Variants in ATP10B observed in about 807,000 individuals in gnomAD.
The protein encoded by ATP10B is ATPase phospholipid transporting 10B (putative), also known as phospholipid-transporting ATPase VB.
In ATP10B, 122 loss-of-function variants were observed where a neutral mutation model predicts 141.2. The ratio of observed to expected loss-of-function variants is 0.86; its 90% CI spans 0.75 to 1.00. ATP10B has a LOEUF of 1.00. Among genes scored for constraint, ATP10B ranks in the 50% least tolerant of loss-of-function variants. The pLI, the probability that ATP10B is intolerant of heterozygous loss-of-function variation, is 0.00. For synonymous variants in ATP10B, 685 were observed against 692.0 expected (o/e 0.99, Z 0.16); for missense variants, 1,876 against 1,825.3 (o/e 1.03, Z -0.51).
In ATP10B at chr5:160,573,773, G is replaced by C. The variant is rs942808047; in HGVS notation, c.3751-4090C>G. Among the ~76,000 whole-genome samples, 45 of 152,220 alleles carry C rather than the reference G, an allele frequency of 3.0e-4. 1 individual carries two copies. The highest frequency in any genetic ancestry group is 9.9e-4 in the African/African-American group (41 of 41,530). ...GTGGTCCCTGGTGCCAAAAAGGTTGGGGACCACTGCTTTAAAATTTTATCT... is the reference window on the plus strand; with the variant it reads ...GTGGTCCCTGGTGCCAAAAAGGTTGCGGACCACTGCTTTAAAATTTTATCT... On this transcript the variant is annotated intron_variant, in intron 24 of 25. Transcript: ENST00000327245.
At chr5:160,767,081 C>T (rs918660044) in intron 2 of ATP10B, among the ~76,000 whole-genome samples, 2 of 151,986 alleles carry the variant, frequency 1.3e-5, no homozygotes, top group Non-Finnish European at 2.9e-5. Context: ...TTGGGCCACA[C>T]ACAAAATACT....
the ATP10B span, among the ~76,000 whole-genome samples, chr5:160,888,267 GAA>G: frequency 2.6e-5 from 4 of 152,196 alleles, no homozygotes; most frequent in Non-Finnish European, 5.9e-5. Context: ...TGAGCTTTGG[GAA>G]AAGAGTATCA....
Position 160,709,020 on chromosome 5 carries a change from C to A in ATP10B, c.-205+7889G>T, listed in dbSNP as rs373920346. Among the ~76,000 whole-genome samples the A allele has an allele frequency of 9.9e-5, 15 of 152,280 alleles. 1 individual carries two copies. Among genetic ancestry groups the A allele is most frequent in the African/African-American group, 3.4e-4 (14 of 41,556 alleles). ...ACAGATATGGCCTTGCAAATCAGTA[C>A]AGACAGACAGACCCCTTGGAAAATA... On this transcript the variant is annotated intron_variant, in intron 3 of 25. Coordinates refer to ENST00000327245, the MANE Select transcript of ATP10B (RefSeq NM_025153.3).
chr5:160,646,475 T>A (rs1291347769), intron 8 of ATP10B, among the ~76,000 whole-genome samples: 1 of 152,198 alleles, frequency 6.6e-6, no homozygotes, highest in Non-Finnish European at 1.5e-5. Flanking sequence ...TGATATAAAT[T>A]TTCCTTTTCA....
rs1036666108 is a variant in ATP10B at position 160,563,680 on chromosome 5, A to G, written c.*1773T>C. 5 of 152,126 alleles carry G rather than the reference A, an allele frequency of 3.3e-5. No individual in the cohort carries two copies. Among genetic ancestry groups the G allele is most frequent in the Non-Finnish European group, 5.9e-5 (4 of 68,022 alleles). The allele number at this position is 152,126 out of a possible 1,614,324, so 9.4% of individuals were successfully genotyped here. On this transcript the variant is annotated 3_prime_UTR_variant, in exon 26 of 26. Coordinates refer to ENST00000327245, the MANE Select transcript of ATP10B (RefSeq NM_025153.3). ...TTCTGCTTCAAGCCACCTGCATCCT[A>G]GAGAGCAAGGATTCAAACTCAGATC...
At chr5:160,843,682 G>C (rs1452290214) in intron 1 of ATP10B, among the ~76,000 whole-genome samples, 2 of 151,734 alleles carry the variant, frequency 1.3e-5, no homozygotes, top group African/African-American at 4.8e-5. Flanking sequence ...AAAAAGTTTT[G>C]ATCAAACATA....
At chr5:160,902,470 A>G in the ATP10B span, among the ~76,000 whole-genome samples, 2 of 150,736 alleles carry the variant, frequency 1.3e-5, no homozygotes, top group African/African-American at 4.9e-5. Context: ...GATTTTGGCA[A>G]ATGTATAGGT....
chr5:160,605,082 A>G (rs1757307607), intron 19 of ATP10B, among the ~76,000 whole-genome samples: 1 of 152,238 alleles, frequency 6.6e-6, no homozygotes, highest in African/African-American at 2.4e-5. Flanking sequence ...ATACAAAAAC[A>G]TGCCATGGGT....
chr5:160,788,624 T>C (rs1023340941), intron 1 of ATP10B, among the ~76,000 whole-genome samples: 1 of 152,150 alleles, frequency 6.6e-6, no homozygotes, highest in Non-Finnish European at 1.5e-5. Context: ...CTCTTCTCAA[T>C]AACTCCTTTC....
intron 2 of ATP10B, among the ~76,000 whole-genome samples, chr5:160,733,977 G>A (rs1041118752): frequency 6.6e-6 from 1 of 151,138 alleles, no homozygotes; most frequent in African/African-American, 2.4e-5. Flanking sequence ...CACCGGTGGT[G>A]CATGCCTGTA....
At chr5:160,759,325 G>A (rs12658116) in intron 2 of ATP10B, among the ~76,000 whole-genome samples, 47,923 of 152,004 alleles carry the variant, frequency 0.32, 7,908 homozygotes, top group Non-Finnish European at 0.36. Context: ...CTGGAATGAC[G>A]ATTGACATTT....
chr5:160,925,977 G>C, the ATP10B span, among the ~76,000 whole-genome samples: 20,575 of 152,194 alleles, frequency 0.14, 1,687 homozygotes, highest in East Asian at 0.24. Flanking sequence ...TATCCATAAG[G>C]ATTGCCAGGT....
chr5:160,686,054 A>G (rs1276687207), intron 6 of ATP10B, 25 bp downstream of exon 6: 3 of 1,511,006 alleles, frequency 2.0e-6, no homozygotes, highest in Non-Finnish European at 2.7e-6. Flanking sequence ...TTTGCAAGAG[A>G]GAACACAGGG....
chr5:160,598,648 ACAGTGGT>A, intron 22 of ATP10B, 115 bp downstream of exon 22: 1 of 844,586 alleles, frequency 1.2e-6, no homozygotes, highest in South Asian at 1.7e-5. Flanking sequence ...AAATGATGGA[ACAGTGGT>A]CAGAATGCAG....
the ATP10B span, among the ~76,000 whole-genome samples, chr5:160,863,328 G>A: frequency 1.3e-5 from 2 of 151,898 alleles, no homozygotes; most frequent in African/African-American, 4.8e-5. Context: ...AAAAAGTTGG[G>A]AGAAATGGCA....
At chr5:160,590,422 C>T (rs1261455519) in intron 23 of ATP10B, among the ~76,000 whole-genome samples, 1 of 152,098 alleles carries the variant, frequency 6.6e-6, no homozygotes, top group Non-Finnish European at 1.5e-5. Flanking sequence ...ACAGTGTTTA[C>T]CTGGTGGCAA....
At chr5:160,663,305 T>C (rs1429537092) in intron 7 of ATP10B, among the ~76,000 whole-genome samples, 3 of 152,174 alleles carry the variant, frequency 2.0e-5, no homozygotes, top group African/African-American at 7.2e-5. Context: ...ACCCAAAGGA[T>C]TATAAATCAT....
intron 1 of ATP10B, among the ~76,000 whole-genome samples, chr5:160,814,244 T>A (rs1039960743): frequency 1.3e-5 from 2 of 151,880 alleles, no homozygotes; most frequent in African/African-American, 2.4e-5. Flanking sequence ...AAAAAAAAAA[T>A]TAGATGAATG....
chr5:160,893,441 C>A, the ATP10B span, among the ~76,000 whole-genome samples: 2 of 152,176 alleles, frequency 1.3e-5, no homozygotes, highest in African/African-American at 4.8e-5. Flanking sequence ...GAAGTTTGAA[C>A]TGGGGAGAAC....
Sources: allele counts gnomAD v4.1 joint callset (sites outside exome capture counted in the v4.1 genomes callset), GRCh38; gene constraint gnomAD v4.1.1; transcripts MANE v1.5; gene names NCBI Gene and HGNC (gene_info 2026-07-23, HGNC 2026-07-21).